The following ACOXL variants were observed in gnomAD, a reference collection of about 807,000 sequenced individuals.
The protein encoded by ACOXL is acyl-coenzyme A oxidase-like protein.
In ACOXL, 70 loss-of-function variants were observed where a neutral mutation model predicts 71.9. That is an observed-to-expected ratio of 0.97 (90% CI 0.80 to 1.19). The LOEUF is 1.19. ACOXL is among the 50% of genes most tolerant of loss of function. ACOXL has a pLI of 0.00. For synonymous variants in ACOXL, 253 were observed against 281.6 expected (o/e 0.90, Z 1.02); for missense variants, 703 against 736.3 (o/e 0.95, Z 0.52).
intron 11 of ACOXL, 26 bp from the exon 12 acceptor site, chr2:110,933,463 T>C (rs2060552217): frequency 6.2e-7 from 1 of 1,604,492 alleles, no homozygotes; most frequent in East Asian, 2.2e-5. Flanking sequence ...GCCACTTCCA[T>C]CACACATGTC....
At chr2:110,748,553 G>T (rs1215346221) in intron 1 of ACOXL, among the ~76,000 whole-genome samples, 2 of 152,136 alleles carry the variant, frequency 1.3e-5, no homozygotes, top group South Asian at 2.1e-4. Context: ...CCCTGTCTTC[G>T]CATTTTCTCA....
chr2:110,967,401 G>A (rs1034801251), intron 12 of ACOXL, among the ~76,000 whole-genome samples: 5 of 152,142 alleles, frequency 3.3e-5, no homozygotes, highest in African/African-American at 1.2e-4. Context: ...AATAACAAAA[G>A]AGCTAGCATT....
At chr2:110,778,594 T>C (rs1682942423) in intron 2 of ACOXL, among the ~76,000 whole-genome samples, 1 of 152,196 alleles carries the variant, frequency 6.6e-6, no homozygotes, top group Non-Finnish European at 1.5e-5. Context: ...CTTGGGCTAG[T>C]TTTTGAATTC....
intron 1 of ACOXL, among the ~76,000 whole-genome samples, chr2:110,734,301 A>T (rs57862073): frequency 6.6e-6 from 1 of 151,464 alleles, no homozygotes; most frequent in South Asian, 2.1e-4. Context: ...ACGGAGTCTG[A>T]CTCTGTTGTC....
chr2:111,093,085 G>T (rs1171122399), intron 17 of ACOXL, 119 bp downstream of exon 17: 8 of 736,586 alleles, frequency 1.1e-5, no homozygotes, highest in Non-Finnish European at 1.6e-5. Context: ...TATGCCTCTG[G>T]GACTTCACAT....
chr2:110,971,397 G>T (rs367894745), intron 12 of ACOXL, among the ~76,000 whole-genome samples: 2 of 152,162 alleles, frequency 1.3e-5, no homozygotes, highest in Non-Finnish European at 2.9e-5. Flanking sequence ...AAGTGTTACC[G>T]CTGGGAGAAA....
intron 9 of ACOXL, among the ~76,000 whole-genome samples, chr2:110,806,350 T>G (rs1489735042): frequency 1.3e-5 from 2 of 152,124 alleles, no homozygotes; most frequent in African/African-American, 4.8e-5. Flanking sequence ...GTTCTTTCAG[T>G]GGGGCCGGGT....
chr2:111,023,634 TATGGAGCAGG>T (rs1417810550), intron 14 of ACOXL, among the ~76,000 whole-genome samples: 1 of 151,726 alleles, frequency 6.6e-6, no homozygotes, highest in Non-Finnish European at 1.5e-5. Context: ...TGGTCCTGGG[TATGGAGCAGG>T]ATGGAGGATA....
Position 110,865,500 on chromosome 2 carries a change from T to A in ACOXL, c.788+24095T>A, listed in dbSNP as rs186697116. Among the ~76,000 whole-genome samples the A allele has an allele frequency of 9.2e-5, 14 of 152,364 alleles. No individual in the cohort carries two copies. In the East Asian group the frequency reaches 2.7e-3, roughly 29 times the overall value. The stretch of plus-strand genomic sequence containing the variant: ...GTTTCGAAGGAGTGATGAGTCACCT[T>A]TTATTTCAAGCCAATGAGAAGCAGC... On this transcript the variant is annotated intron_variant, in intron 10 of 17. Coordinates refer to ENST00000439055, the MANE Select transcript of ACOXL (RefSeq NM_001142807.4).
At chr2:111,073,029 G>A (rs539244403) in intron 16 of ACOXL, among the ~76,000 whole-genome samples, 2 of 152,228 alleles carry the variant, frequency 1.3e-5, no homozygotes, top group East Asian at 1.9e-4. Context: ...AAAATCTTTC[G>A]ATGTGCTTGT....
chr2:110,771,612 T>C (rs1681942317), intron 2 of ACOXL, among the ~76,000 whole-genome samples: 1 of 152,250 alleles, frequency 6.6e-6, no homozygotes, highest in African/African-American at 2.4e-5. Flanking sequence ...TGTAATAGAT[T>C]TGAGATGTTT....
At chr2:110,955,767 G>A (rs1486528982) in intron 12 of ACOXL, among the ~76,000 whole-genome samples, 5 of 151,906 alleles carry the variant, frequency 3.3e-5, no homozygotes, top group African/African-American at 4.8e-5. Context: ...TGGAACAAGC[G>A]TCCTCCCATT....
chr2:110,943,037 AAAG>A (rs1428169181), intron 12 of ACOXL, among the ~76,000 whole-genome samples: 15 of 137,412 alleles, frequency 1.1e-4, no homozygotes, highest in South Asian at 9.9e-4. Context: ...AGAAGGAAGG[AAAG>A]AAGGAAGGAA....
chr2:110,937,654 G>A (rs2060714230), intron 12 of ACOXL, among the ~76,000 whole-genome samples: 1 of 152,204 alleles, frequency 6.6e-6, no homozygotes, highest in African/African-American at 2.4e-5. Context: ...CTCCCTGGGA[G>A]TGAAGTGTGG....
chr2:110,840,401 T>C (rs1691013398), intron 9 of ACOXL, among the ~76,000 whole-genome samples: 1 of 152,230 alleles, frequency 6.6e-6, no homozygotes, highest in African/African-American at 2.4e-5. Context: ...TTATTATTTA[T>C]AGAATTTTTC....
In ACOXL at chr2:111,118,456, G is replaced by A. The variant is rs1446722255; in HGVS notation, c.*640G>A. Reference sequence around the variant, plus strand: ...CGGCGGTTTCCGTACGGCAAGACAAGGCGCGGAAAACATTTTTACCATCTG... The same window carrying A: ...CGGCGGTTTCCGTACGGCAAGACAAAGCGCGGAAAACATTTTTACCATCTG... On this transcript the variant is annotated 3_prime_UTR_variant, in exon 18 of 18. Coordinates refer to ENST00000439055, the MANE Select transcript of ACOXL (RefSeq NM_001142807.4). 6.6e-6 allele frequency among the ~76,000 whole-genome samples: 1 copy of A among 152,192 alleles called. No individual in the cohort carries two copies. The highest frequency in any genetic ancestry group is 1.5e-5 in the Non-Finnish European group (1 of 68,024).
At chr2:110,848,949 C>T (rs899318585) in intron 10 of ACOXL, among the ~76,000 whole-genome samples, 21 of 152,246 alleles carry the variant, frequency 1.4e-4, no homozygotes, top group Admixed American at 1.2e-3. Flanking sequence ...TGTCTCCTCA[C>T]GCTGAGCTTC....
At chr2:111,003,598 T>G (rs2063745323) in intron 14 of ACOXL, among the ~76,000 whole-genome samples, 1 of 137,362 alleles carries the variant, frequency 7.3e-6, no homozygotes, top group East Asian at 2.1e-4. Context: ...GAACTAGCTT[T>G]TACCACTTCC....
chr2:110,983,183 AACTCT>A (rs1259042234), intron 12 of ACOXL, among the ~76,000 whole-genome samples: 1 of 152,188 alleles, frequency 6.6e-6, no homozygotes, highest in Non-Finnish European at 1.5e-5. Context: ...TTTGGCAGCA[AACTCT>A]ACTTGTTAGG....
Sources: gnomAD v4.1 joint callset for allele counts (sites outside exome capture counted in the v4.1 genomes callset) on GRCh38, gnomAD v4.1.1 for gene constraint, MANE v1.5 for transcripts, NCBI Gene and HGNC (gene_info 2026-07-23, HGNC 2026-07-21) for gene names.